PTPRN2: variants seen among roughly 807,000 people sequenced by gnomAD.
PTPRN2 encodes protein tyrosine phosphatase receptor type N2.
Under a neutral mutation model 118.8 loss-of-function variants are expected in PTPRN2, and 74 were observed. That is an observed-to-expected ratio of 0.62 (90% confidence interval 0.52 to 0.76). PTPRN2 has a LOEUF of 0.76. Among genes scored for constraint, PTPRN2 ranks in the 30% least tolerant of loss-of-function variants. The pLI is 0.00. For missense variants in PTPRN2, 1,481 were observed against 1,394.4 expected (o/e 1.06, Z -0.99); for synonymous variants, 641 against 608.0 (o/e 1.05, Z -0.80).
intron 11 of PTPRN2, among the ~76,000 whole-genome samples, chr7:158,080,328 A>G (rs970899794): frequency 6.6e-6 from 1 of 150,940 alleles, no homozygotes; most frequent in East Asian, 1.9e-4. Context: ...AAAAAAAAAA[A>G]AAAAAAAAAA....
intron 5 of PTPRN2, among the ~76,000 whole-genome samples, chr7:158,183,539 C>A (rs1000199840): frequency 6.6e-6 from 1 of 152,232 alleles, no homozygotes. Flanking sequence ...TGGCAGACTT[C>A]CGCAAGGTCC....
intron 11 of PTPRN2, among the ~76,000 whole-genome samples, chr7:158,063,207 A>T (rs1185288691): frequency 6.6e-6 from 1 of 152,156 alleles, no homozygotes; most frequent in African/African-American, 2.4e-5. Context: ...TCTGATGGGG[A>T]CTTGGAGAAC....
intron 13 of PTPRN2, among the ~76,000 whole-genome samples, chr7:157,665,050 G>A (rs1016378178): frequency 4.6e-5 from 7 of 152,214 alleles, no homozygotes; most frequent in Non-Finnish European, 7.3e-5. Context: ...AGGAAGCCCC[G>A]AGACCTGCCC....
At chr7:158,100,419 C>G (rs1187555658) in intron 10 of PTPRN2, among the ~76,000 whole-genome samples, 1 of 152,178 alleles carries the variant, frequency 6.6e-6, no homozygotes, top group Non-Finnish European at 1.5e-5. Context: ...GGTAGATACC[C>G]AGCAGTGGGA....
chr7:158,316,935 G>A lies in PTPRN2; in HGVS notation c.164-3C>T. ...CTGGCACCTTCCAAACACTCCATCTGTGAGAAGGGAAGGAGATAAGACAGA... is the reference window on the plus strand; with the variant it reads ...CTGGCACCTTCCAAACACTCCATCTATGAGAAGGGAAGGAGATAAGACAGA... On this transcript the variant is annotated splice_polypyrimidine_tract_variant and splice_region_variant and intron_variant, in intron 2 of 22. Coordinates refer to ENST00000389418, the MANE Select transcript of PTPRN2 (RefSeq NM_002847.5). 6.2e-7 allele frequency: 1 copy of A among 1,602,524 alleles called. No homozygotes were observed. Among genetic ancestry groups the A allele is most frequent in the Non-Finnish European group, 8.5e-7 (1 of 1,172,842 alleles).
intron 12 of PTPRN2, among the ~76,000 whole-genome samples, chr7:157,717,686 ACCGGCTGCT>A (rs1164928781): frequency 6.6e-6 from 1 of 152,258 alleles, no homozygotes; most frequent in Non-Finnish European, 1.5e-5. Context: ...AGGTATGGGC[ACCGGCTGCT>A]CCTTGCTGCA....
rs552313678 is a variant in PTPRN2 at position 157,656,562 on chromosome 7, G to C, written c.2002-11C>G. The C allele has an allele frequency of 1.2e-5, 18 of 1,528,212 alleles. No homozygotes were observed. The highest frequency in any genetic ancestry group is 1.5e-5 in the Non-Finnish European group (17 of 1,140,078). The allele number at this position is 1,528,212 out of a possible 1,614,324, so 94.7% of individuals were successfully genotyped here. A position where few individuals can be genotyped will look rare whatever the true frequency, so the allele number is the denominator to read the frequency against. The stretch of plus-strand genomic sequence containing the variant: ...CTGGCGGCACAGCTCCTGCAGGACA[G>C]GGGGAGGAAGAGCAGGGGGTTAGTG... On this transcript the variant is annotated splice_polypyrimidine_tract_variant and intron_variant, in intron 13 of 22. Coordinates refer to ENST00000389418, the MANE Select transcript of PTPRN2 (RefSeq NM_002847.5).
At chr7:158,147,031 T>G (rs1820155829) in intron 6 of PTPRN2, among the ~76,000 whole-genome samples, 1 of 644 alleles carries the variant, frequency 1.6e-3, no homozygotes. Context: ...TCCCCCTCAA[T>G]GACACCCCAT....
At chr7:157,863,829 G>A (rs1370597178) in intron 12 of PTPRN2, 3 of 152,338 alleles carry the variant, frequency 2.0e-5, no homozygotes, top group African/African-American at 4.8e-5. Flanking sequence ...TGAAGATGAA[G>A]ATGGCATCTA....
In PTPRN2 at chr7:157,964,445, A is replaced by G. The variant is rs1299861553; in HGVS notation, c.1724-65708T>C. On this transcript the variant is annotated intron_variant, in intron 11 of 22. Transcript: ENST00000389418. The surrounding 1 kb of genome is among the most constrained non-coding windows in gnomAD (Gnocchi z 9.0). ...TCCAGTTTTGTGCTACCAAAAAAAA[A>G]AAAATCACCTGAATGAGTCAAGACA... Among the ~76,000 whole-genome samples the G allele has an allele frequency of 6.6e-6, 1 of 152,182 alleles. No individual in the cohort carries two copies. The highest frequency in any genetic ancestry group is 6.5e-5 in the Admixed American group (1 of 15,282).
chr7:157,869,596 A>C lies in PTPRN2; in HGVS notation c.1788+29077T>G, dbSNP rs2013364359. 6.6e-6 allele frequency among the ~76,000 whole-genome samples: 1 copy of C among 152,090 alleles called. No homozygotes were observed. Among genetic ancestry groups the C allele is most frequent in the African/African-American group, 2.4e-5 (1 of 41,406 alleles). On this transcript the variant is annotated intron_variant, in intron 12 of 22. Transcript: ENST00000389418. The surrounding 1 kb of genome is among the most constrained non-coding windows in gnomAD (Gnocchi z 4.2). Reference sequence around the variant, plus strand: ...TCAATGCAGTCTTTTTCCCATTACTATCTAAGGAAAAATGGGTACCCTCTG... The same window carrying C: ...TCAATGCAGTCTTTTTCCCATTACTCTCTAAGGAAAAATGGGTACCCTCTG...
chr7:158,336,765 C>T (rs1197439443), intron 2 of PTPRN2, among the ~76,000 whole-genome samples: 55 of 98,866 alleles, frequency 5.6e-4, no homozygotes, highest in African/African-American at 2.0e-3. Context: ...CACAGTCTCA[C>T]CATAAGAGGT....
intron 13 of PTPRN2, among the ~76,000 whole-genome samples, chr7:157,675,762 C>T (rs749276733): frequency 6.6e-6 from 1 of 152,318 alleles, no homozygotes; most frequent in South Asian, 2.1e-4. Context: ...GTGGCACCCG[C>T]ACCCACAGGG....
rs1160536275 is a variant in PTPRN2, at chr7:157,986,526, T to G, written c.1724-87789A>C. ...ACAGGCCATGCCTGCCTCTCCCAGG[T>G]GGCATCTCCTCTCTGTGGTCCTTTC... On this transcript the variant is annotated intron_variant, in intron 11 of 22. Transcript: ENST00000389418. This position sits in a 1 kb window ranked among gnomAD's most constrained non-coding sequence, Gnocchi z 4.5. 1.3e-5 allele frequency among the ~76,000 whole-genome samples: 2 copies of G among 152,110 alleles called. No individual in the cohort carries two copies. The highest frequency in any genetic ancestry group is 2.9e-5 in the Non-Finnish European group (2 of 68,008).
intron 11 of PTPRN2, among the ~76,000 whole-genome samples, chr7:157,981,103 C>T (rs1411516634): frequency 6.6e-6 from 1 of 152,254 alleles, no homozygotes; most frequent in East Asian, 1.9e-4. Flanking sequence ...CAGTAACTTG[C>T]AGAAAGGCTC....
rs35779034 is a variant in PTPRN2 at position 158,530,542 on chromosome 7, C to CG, written c.113-40758dup. Reference sequence around the variant, plus strand: ...CACGACTTAAACACATAGAGCAAGGCGGGGGGGGTTCCATGTGGGCAAGGT... The same window carrying CG: ...CACGACTTAAACACATAGAGCAAGGCGGGGGGGGGTTCCATGTGGGCAAGGT... On this transcript the variant is annotated intron_variant, in intron 1 of 22. Transcript: ENST00000389418. Among the ~76,000 whole-genome samples, 927 of 151,590 alleles carry CG rather than the reference C, an allele frequency of 6.1e-3. 5 individuals carry two copies. The highest frequency in any genetic ancestry group is 9.8e-3 in the Non-Finnish European group (666 of 67,896).
At chr7:157,939,173 G>A (rs532268590) in intron 11 of PTPRN2, among the ~76,000 whole-genome samples, 85 of 149,744 alleles carry the variant, frequency 5.7e-4, no homozygotes, top group African/African-American at 2.0e-3. Context: ...TTTCCAGCAC[G>A]CAAATTCTGA....
intron 11 of PTPRN2, among the ~76,000 whole-genome samples, chr7:157,972,544 C>G (rs1191539058): frequency 5.7e-5 from 6 of 105,102 alleles, no homozygotes; most frequent in Admixed American, 4.9e-4. Context: ...TCAGAGACCA[C>G]GGGAACTCCA....
At chr7:157,716,107 G>T (rs1215786965) in intron 12 of PTPRN2, among the ~76,000 whole-genome samples, 1 of 152,270 alleles carries the variant, frequency 6.6e-6, no homozygotes, top group Non-Finnish European at 1.5e-5. Context: ...CATCCCTTTG[G>T]GTTCAGCCAC....
Sources: allele counts gnomAD v4.1 joint callset (sites outside exome capture counted in the v4.1 genomes callset), GRCh38; gene constraint gnomAD v4.1.1; non-coding constraint Gnocchi (gnomAD v3.1); transcripts MANE v1.5; gene names NCBI Gene and HGNC (gene_info 2026-07-23, HGNC 2026-07-21).